Variants in CPNE4 observed in about 807,000 individuals in gnomAD.
The protein encoded by CPNE4 is copine-4.
In CPNE4, 25 loss-of-function variants were observed where a neutral mutation model predicts 67.9. That is an observed-to-expected ratio of 0.37 (90% confidence interval 0.27 to 0.51). CPNE4 has a LOEUF of 0.51. CPNE4 is among the 20% of genes least tolerant of loss of function. The probability of loss-of-function intolerance (pLI) is 0.93; values close to 1 mark genes in which losing one functional copy is unlikely to be tolerated. For missense variants in CPNE4, 464 were observed against 690.8 expected, an observed-to-expected ratio of 0.67 and a Z score of 3.68; for synonymous variants, 242 against 244.9, an observed-to-expected ratio of 0.99 and a Z score of 0.11.
rs565591640 is a variant in CPNE4, at chr3:131,975,879, C to T, written c.-2+58688G>A. Among the ~76,000 whole-genome samples the T allele has an allele frequency of 9.2e-5, 14 of 152,186 alleles. 1 individual carries two copies. In the South Asian group the frequency reaches 2.9e-3, roughly 32 times the overall value. On this transcript the variant is annotated intron_variant, in intron 1 of 15. Transcript: ENST00000429747. ...ATGCAAATAAGGATGACCATCACAT[C>T]ATGGCTTGTAACAGTGAAATAAACA...
chr3:131,885,564 A>T (rs987823530), intron 2 of CPNE4, among the ~76,000 whole-genome samples: 3 of 151,560 alleles, frequency 2.0e-5, no homozygotes, highest in Non-Finnish European at 2.9e-5. Flanking sequence ...ATTATACTTT[A>T]AGTTTTAGGG....
At position 131,957,872 on chromosome 3, in the gene CPNE4, A is replaced by G. The variant is rs560252463; in HGVS notation, c.-1-52428T>C. ...AAAGTTGAGGCAAAACCGCAAAGCC[A>G]GAGGTTTGGAAGTTTTATTCTTTTC... On this transcript the variant is annotated intron_variant, in intron 1 of 15. Transcript: ENST00000429747. 2.6e-5 allele frequency among the ~76,000 whole-genome samples: 4 copies of G among 152,376 alleles called. No homozygotes were observed. In the East Asian group the frequency reaches 7.7e-4, roughly 29 times the overall value.
Position 132,003,381 on chromosome 3 carries a change from T to C in CPNE4, c.-2+31186A>G, listed in dbSNP as rs369362565. ...TTAAGCTGTAGGTCTAATCAGCTTT[T>C]CCACAAAGCCCCCACCAGTCTACTC... On this transcript the variant is annotated intron_variant, in intron 1 of 15. Transcript: ENST00000429747. Among the ~76,000 whole-genome samples, 4 of 152,140 alleles carry C rather than the reference T, an allele frequency of 2.6e-5. No homozygotes were observed. In the East Asian group the frequency reaches 7.7e-4, roughly 29 times the overall value.
chr3:131,680,598 A>G (rs6783158), intron 6 of CPNE4, among the ~76,000 whole-genome samples: 11,550 of 152,152 alleles, frequency 0.076, 962 homozygotes, highest in East Asian at 0.28. Flanking sequence ...TAGAAAAATA[A>G]AAGTATTTCA....
chr3:131,663,046 G>T (rs1042895751), intron 7 of CPNE4, among the ~76,000 whole-genome samples: 2 of 152,108 alleles, frequency 1.3e-5, no homozygotes, highest in African/African-American at 2.4e-5. Flanking sequence ...TAATAGCAAA[G>T]ACTTGGAACC....
At chr3:131,801,094 C>T (rs2084083807) in intron 2 of CPNE4, among the ~76,000 whole-genome samples, 1 of 151,860 alleles carries the variant, frequency 6.6e-6, no homozygotes, top group African/African-American at 2.4e-5. Context: ...GATTGTGGTA[C>T]ATAAATATAT....
chr3:132,035,037 C>T (rs542479506), upstream of CPNE4: 6,513 of 985,426 alleles, frequency 6.6e-3, 27 homozygotes, highest in Admixed American at 7.7e-3. Flanking sequence ...CCCAGCAACC[C>T]GGCAAGAGAC....
At chr3:131,750,545 G>A (rs972726069) in intron 2 of CPNE4, among the ~76,000 whole-genome samples, 5 of 151,988 alleles carry the variant, frequency 3.3e-5, no homozygotes, top group African/African-American at 1.2e-4. Context: ...ACCAGATCAA[G>A]TGACATAATG....
chr3:132,006,658 T>TTTG (rs1417871748), intron 1 of CPNE4, among the ~76,000 whole-genome samples: 1 of 151,758 alleles, frequency 6.6e-6, no homozygotes, highest in Admixed American at 6.6e-5. Context: ...TCTTTCCATT[T>TTTG]TTTTTTGTTG....
At chr3:131,707,060 G>T (rs2081431539) in intron 3 of CPNE4, among the ~76,000 whole-genome samples, 1 of 152,152 alleles carries the variant, frequency 6.6e-6, no homozygotes, top group Non-Finnish European at 1.5e-5. Context: ...CTCATATTTG[G>T]CTCAGAATAA....
At position 131,992,920 on chromosome 3, in the gene CPNE4, C is replaced by T. The variant is rs531939027; in HGVS notation, c.-2+41647G>A. On this transcript the variant is annotated intron_variant, in intron 1 of 15. Coordinates refer to ENST00000429747, the MANE Select transcript of CPNE4 (RefSeq NM_130808.3). ...TATGTGAAGGACACATTTGCTTCCC[C>T]TTCTGCCATGATTGTAAGTTTCCTG... Among the ~76,000 whole-genome samples the T allele has an allele frequency of 2.2e-5, 3 of 136,346 alleles. 1 individual carries two copies. The highest frequency in any genetic ancestry group is 4.7e-4 in the East Asian group (2 of 4,242). The allele number at this position is 136,346 out of a possible 152,430, so 89.4% of individuals were successfully genotyped here. A position where few individuals can be genotyped will look rare whatever the true frequency, so the allele number is the denominator to read the frequency against.
At chr3:131,586,726 A>ATCTATCTG (rs1333232108) in intron 8 of CPNE4, among the ~76,000 whole-genome samples, 168 of 129,688 alleles carry the variant, frequency 1.3e-3, no homozygotes, top group African/African-American at 4.8e-3. Flanking sequence ...TTCTATCTCT[A>ATCTATCTG]TCTGTCTGTC....
intron 1 of CPNE4, among the ~76,000 whole-genome samples, chr3:132,016,494 G>T (rs918302891): frequency 6.6e-6 from 1 of 152,208 alleles, no homozygotes; most frequent in Non-Finnish European, 1.5e-5. Context: ...CAGCTGAAGA[G>T]AAATGGCATT....
chr3:132,037,497 C>T (rs1040102709), upstream of CPNE4: 38 of 1,349,486 alleles, frequency 2.8e-5, no homozygotes, highest in South Asian at 2.0e-4. Context: ...GCAAGTTGCC[C>T]GCCAGCCACA....
intron 2 of CPNE4, among the ~76,000 whole-genome samples, chr3:131,868,573 A>G (rs1026522677): frequency 1.3e-5 from 2 of 152,226 alleles, no homozygotes; most frequent in Non-Finnish European, 2.9e-5. Context: ...TATTTACTTC[A>G]CTTGCAGCCC....
intron 15 of CPNE4, chr3:131,539,022 G>GAGTT (rs776573860): frequency 6.6e-6 from 1 of 152,184 alleles, no homozygotes; most frequent in Non-Finnish European, 1.5e-5. Context: ...CTAAAGCTCT[G>GAGTT]AGTTATCATG....
chr3:131,975,168 AC>A (rs1207860316), intron 1 of CPNE4, among the ~76,000 whole-genome samples: 1 of 152,136 alleles, frequency 6.6e-6, no homozygotes, highest in African/African-American at 2.4e-5. Flanking sequence ...GCAAGAGAGA[AC>A]CGCCTGTCAA....
intron 2 of CPNE4, among the ~76,000 whole-genome samples, chr3:131,899,646 C>A (rs887459493): frequency 2.4e-4 from 37 of 151,982 alleles, no homozygotes; most frequent in Admixed American, 1.3e-4. Flanking sequence ...GCTTTTATTG[C>A]AGAGTAATTG....
intron 2 of CPNE4, among the ~76,000 whole-genome samples, chr3:131,763,948 A>G (rs1177788217): frequency 6.6e-6 from 1 of 152,094 alleles, no homozygotes; most frequent in African/African-American, 2.4e-5. Context: ...GGTGCATCCT[A>G]TGTGCCAGGG....
Sources: allele counts gnomAD v4.1 joint callset (sites outside exome capture counted in the v4.1 genomes callset), GRCh38; gene constraint gnomAD v4.1.1; transcripts MANE v1.5; gene names NCBI Gene and HGNC (gene_info 2026-07-23, HGNC 2026-07-21).